Variants in MGAT5 observed in about 807,000 individuals in gnomAD.
The protein encoded by MGAT5 is alpha-1,6-mannosylglycoprotein 6-beta-N-acetylglucosaminyltransferase A.
In MGAT5, 30 loss-of-function variants were observed where a neutral mutation model predicts 94.3. The observed-to-expected ratio is 0.32, with a 90% CI of 0.24 to 0.43. The LOEUF (loss-of-function observed/expected upper bound fraction) is 0.43. Among genes scored for constraint, MGAT5 ranks in the 20% least tolerant of loss-of-function variants. The pLI is 1.00. For missense variants in MGAT5, 691 were observed against 905.5 expected, an observed-to-expected ratio of 0.76 and a Z score of 3.04; for synonymous variants, 310 against 322.9, an observed-to-expected ratio of 0.96 and a Z score of 0.43.
chr2:134,152,416 C>T (rs1432566924), intron 1 of MGAT5, among the ~76,000 whole-genome samples: 4 of 147,104 alleles, frequency 2.7e-5, no homozygotes, highest in African/African-American at 1.0e-4. Context: ...GGGACCCGCC[C>T]ACCGCCATGG....
intron 2 of MGAT5, among the ~76,000 whole-genome samples, chr2:134,296,256 A>T (rs571828384): frequency 1.3e-5 from 2 of 152,174 alleles, no homozygotes; most frequent in African/African-American, 4.8e-5. Context: ...CACAATTTTA[A>T]AAGTTATTAC....
intron 1 of MGAT5, among the ~76,000 whole-genome samples, chr2:134,256,425 CTT>C (rs10539187): frequency 0.055 from 8,295 of 152,190 alleles, 688 homozygotes; most frequent in African/African-American, 0.19. Flanking sequence ...GTAATTTTCT[CTT>C]GTTTCTCTCA....
chr2:134,387,332 A>ATATATATATATATTTT lies in MGAT5; in HGVS notation c.1381-15655_1381-15654insATATATATATATTTTT. On this transcript the variant is annotated intron_variant, in intron 10 of 15. Coordinates refer to ENST00000281923, the MANE Select transcript of MGAT5 (RefSeq NM_002410.5). The stretch of plus-strand genomic sequence containing the variant: ...TATATATATATATATATATATATAT[A>ATATATATATATATTTT]TTTTTTTTTTTTTTTTTTTTTACCA... 1.4e-3 allele frequency among the ~76,000 whole-genome samples: 33 copies of ATATATATATATATTTT among 24,258 alleles called. 1 individual carries two copies. Among genetic ancestry groups the ATATATATATATATTTT allele is most frequent in the Non-Finnish European group, 2.0e-3 (31 of 15,608 alleles). The allele number at this position is 24,258 out of a possible 152,430, so 15.9% of individuals were successfully genotyped here.
intron 1 of MGAT5, among the ~76,000 whole-genome samples, chr2:134,258,651 C>T (rs1006127582): frequency 5.9e-5 from 9 of 152,188 alleles, no homozygotes; most frequent in Admixed American, 3.9e-4. Flanking sequence ...GTCTCTTTCA[C>T]GCCTGTGTTT....
intron 1 of MGAT5, among the ~76,000 whole-genome samples, chr2:134,176,151 G>A (rs1688453626): frequency 6.6e-6 from 1 of 152,100 alleles, no homozygotes; most frequent in Non-Finnish European, 1.5e-5. Context: ...AGGCTGAAGG[G>A]GGTTGCTGGG....
chr2:134,196,323 C>T (rs889019078), intron 1 of MGAT5, among the ~76,000 whole-genome samples: 3 of 151,222 alleles, frequency 2.0e-5, no homozygotes, highest in African/African-American at 4.9e-5. Flanking sequence ...GATTTTAGGC[C>T]GTTGCTTCTG....
intron 10 of MGAT5, among the ~76,000 whole-genome samples, chr2:134,388,563 A>T (rs1166686267): frequency 6.6e-6 from 1 of 152,180 alleles, no homozygotes; most frequent in Admixed American, 6.5e-5. Context: ...TAAAGATGCA[A>T]ATAAGATCCA....
intron 11 of MGAT5, among the ~76,000 whole-genome samples, chr2:134,406,921 T>G (rs1306644372): frequency 2.0e-5 from 3 of 152,068 alleles, no homozygotes; most frequent in Admixed American, 1.3e-4. Flanking sequence ...ACCCAGGGCT[T>G]GAGGCAGCAG....
At position 134,158,694 on chromosome 2, in the gene MGAT5, C is replaced by T. The variant is rs368203275; in HGVS notation, c.-143+38403C>T. 2.2e-4 allele frequency among the ~76,000 whole-genome samples: 33 copies of T among 152,338 alleles called. No individual in the cohort carries two copies. In the South Asian group the frequency reaches 6.0e-3, roughly 28 times the overall value. ...GGGGCTCTTGCCTGTTCCCGTCTCC[C>T]GCTGGCTGCCCTGTCCCACCTGTGC... On this transcript the variant is annotated intron_variant, in intron 1 of 16. Transcript: ENST00000409645.
intron 14 of MGAT5, among the ~76,000 whole-genome samples, chr2:134,429,608 G>T (rs1354840666): frequency 6.6e-6 from 1 of 152,212 alleles, no homozygotes; most frequent in Admixed American, 6.5e-5. Context: ...TTAGAACAGA[G>T]CCTGGCACAT....
chr2:134,384,648 T>C (rs1220628282), intron 10 of MGAT5, among the ~76,000 whole-genome samples: 1 of 152,246 alleles, frequency 6.6e-6, no homozygotes, highest in African/African-American at 2.4e-5. Context: ...AAGTTTGGTG[T>C]ACAAGCATTT....
At chr2:134,297,220 A>G (rs1263499002) in intron 2 of MGAT5, among the ~76,000 whole-genome samples, 1 of 148,376 alleles carries the variant, frequency 6.7e-6, no homozygotes, top group Non-Finnish European at 1.5e-5. Flanking sequence ...AAAAAAAATC[A>G]TCTGAATAGC....
At chr2:134,267,114 C>T (rs1683766747) in intron 1 of MGAT5, among the ~76,000 whole-genome samples, 1 of 152,146 alleles carries the variant, frequency 6.6e-6, no homozygotes, top group South Asian at 2.1e-4. Context: ...TACACAAACA[C>T]ATGGCAAAAT....
At position 134,448,542 on chromosome 2, in the gene MGAT5, C is replaced by T. The variant is rs1685924819; in HGVS notation, c.2028-107C>T. ...ATTTCATTTCTAAAGTAGGACAAGACAACTGAACATCCCCCCATGCCTCAA... is the reference window on the plus strand; with the variant it reads ...ATTTCATTTCTAAAGTAGGACAAGATAACTGAACATCCCCCCATGCCTCAA... On this transcript the variant is annotated intron_variant, in intron 15 of 15. Transcript: ENST00000281923. 1.2e-5 allele frequency: 12 copies of T among 1,013,506 alleles called. No individual in the cohort carries two copies. In the South Asian group the frequency reaches 1.6e-4, roughly 14 times the overall value. 62.8% of individuals were successfully genotyped at this position (1,013,506 alleles called of 1,614,324 possible).
chr2:134,182,936 A>G (rs1254821999), intron 1 of MGAT5, among the ~76,000 whole-genome samples: 1 of 151,554 alleles, frequency 6.6e-6, no homozygotes, highest in Non-Finnish European at 1.5e-5. Flanking sequence ...ACAGGCGCCC[A>G]CCATCACACC....
intron 10 of MGAT5, among the ~76,000 whole-genome samples, chr2:134,381,515 A>AC (rs71400504): frequency 3.4e-4 from 26 of 76,942 alleles, no homozygotes; most frequent in African/African-American, 1.2e-3. Context: ...GACAGACCAG[A>AC]CAGACAGACA....
upstream of MGAT5, chr2:134,119,935 A>C (rs1030592483): frequency 6.6e-6 from 1 of 151,574 alleles, no homozygotes; most frequent in Non-Finnish European, 1.5e-5. Flanking sequence ...TCTGCCTTCT[A>C]GAGCCGCGAG....
At chr2:134,121,826 T>G (rs553351147) in intron 1 of MGAT5, among the ~76,000 whole-genome samples, 3 of 152,278 alleles carry the variant, frequency 2.0e-5, no homozygotes, top group African/African-American at 7.2e-5. Flanking sequence ...CAGGACCTGA[T>G]CAACTTGGTT....
intron 10 of MGAT5, among the ~76,000 whole-genome samples, chr2:134,395,260 C>G (rs1574005983): frequency 6.6e-6 from 1 of 152,354 alleles, no homozygotes; most frequent in South Asian, 2.1e-4. Flanking sequence ...GGAGGTCATG[C>G]CAAAGGGTTT....
Sources: gnomAD v4.1 joint callset for allele counts (sites outside exome capture counted in the v4.1 genomes callset) on GRCh38, gnomAD v4.1.1 for gene constraint, MANE v1.5 for transcripts, NCBI Gene and HGNC (gene_info 2026-07-23, HGNC 2026-07-21) for gene names.